The following TENM2 variants were observed in gnomAD, a reference collection of about 807,000 sequenced individuals.
TENM2 encodes the protein teneurin transmembrane protein 2.
A neutral mutation model predicts 245.2 loss-of-function variants in TENM2; 52 were observed. The observed-to-expected ratio is 0.21, with a 90% CI of 0.17 to 0.27. The LOEUF is 0.27. Among genes scored for constraint, TENM2 ranks in the 10% least tolerant of loss-of-function variants. TENM2 has a pLI of 1.00. For synonymous variants in TENM2, 1,363 were observed against 1,438.9 expected (o/e 0.95, Z 1.19); for missense variants, 3,046 against 3,666.8 (o/e 0.83, Z 4.37).
At chr5:167,224,586 T>G in the TENM2 span, among the ~76,000 whole-genome samples, 4 of 152,130 alleles carry the variant, frequency 2.6e-5, no homozygotes, top group Non-Finnish European at 5.9e-5. Flanking sequence ...TTTTGTTTAC[T>G]ATAGCCTTGT....
chr5:167,902,055 A>G (rs1775747076), intron 3 of TENM2, among the ~76,000 whole-genome samples: 1 of 151,944 alleles, frequency 6.6e-6, no homozygotes, highest in Non-Finnish European at 1.5e-5. Flanking sequence ...CATTTTGAGG[A>G]GCAAATCCCC....
In TENM2 at chr5:167,876,299, G is replaced by A. The variant is rs1313884939; in HGVS notation, c.712+104G>A. ...GAAACAAGGGCTGGGGGAAGGTGGT[G>A]TGGGGAGCATCAGGGTGAAATGCAT... On this transcript the variant is annotated intron_variant, in intron 3 of 28. Coordinates refer to ENST00000518659, the Ensembl canonical transcript of TENM2. 7.2e-6 allele frequency: 7 copies of A among 968,806 alleles called. No individual in the cohort carries two copies. In the East Asian group the frequency reaches 1.0e-4, roughly 15 times the overall value. 60.0% of individuals were successfully genotyped at this position (968,806 alleles called of 1,614,324 possible).
At chr5:167,789,908 T>C (rs1033914728) in intron 2 of TENM2, among the ~76,000 whole-genome samples, 2 of 152,218 alleles carry the variant, frequency 1.3e-5, no homozygotes, top group African/African-American at 4.8e-5. Flanking sequence ...ATGTACTTAA[T>C]AAATGTTAAC....
At chr5:167,024,774 A>G in the TENM2 span, among the ~76,000 whole-genome samples, 8 of 152,342 alleles carry the variant, frequency 5.3e-5, no homozygotes, top group South Asian at 1.7e-3. Context: ...AGACTGGACC[A>G]TGAAGGAGCA....
the TENM2 span, among the ~76,000 whole-genome samples, chr5:167,222,557 T>C: frequency 1.3e-5 from 2 of 152,282 alleles, no homozygotes; most frequent in South Asian, 2.1e-4. Flanking sequence ...TCACAGCTAA[T>C]AGTTTTCTTC....
At chr5:167,292,213 A>C (rs942009907) in intron 1 of TENM2, among the ~76,000 whole-genome samples, 2 of 152,160 alleles carry the variant, frequency 1.3e-5, no homozygotes, top group Admixed American at 1.3e-4. Flanking sequence ...ACACAGCCAA[A>C]CCATATTATA....
chr5:167,458,466 G>A (rs983278744), intron 2 of TENM2, among the ~76,000 whole-genome samples: 3 of 115,098 alleles, frequency 2.6e-5, no homozygotes, highest in Non-Finnish European at 5.0e-5. Flanking sequence ...CAGCCTAGGC[G>A]ACAAAGCAAG....
chr5:167,973,679 A>G lies in TENM2; in HGVS notation c.948-19265A>G, dbSNP rs576398171. On this transcript the variant is annotated intron_variant, in intron 4 of 28. Transcript: ENST00000518659. ...GTGGAACAGTGAGAGCTGCCCCAGC[A>G]AAAGGGCATTCCAGGCAAAGGTGAG... 2.0e-5 allele frequency among the ~76,000 whole-genome samples: 3 copies of G among 152,278 alleles called. No individual in the cohort carries two copies. In the East Asian group the frequency reaches 5.8e-4, roughly 30 times the overall value.
chr5:167,891,642 G>C (rs1774769224), intron 3 of TENM2, among the ~76,000 whole-genome samples: 1 of 152,162 alleles, frequency 6.6e-6, no homozygotes, highest in South Asian at 2.1e-4. Context: ...TGACACGGGA[G>C]TATACAGCAT....
At chr5:167,652,316 T>C (rs1436198204) in intron 2 of TENM2, among the ~76,000 whole-genome samples, 3 of 152,212 alleles carry the variant, frequency 2.0e-5, no homozygotes, top group Non-Finnish European at 4.4e-5. Context: ...CTGTACTATA[T>C]TTAGCATAAA....
At position 167,621,671 on chromosome 5, in the gene TENM2, A is replaced by G. The variant is rs371367892; in HGVS notation, c.502+246198A>G. 9.9e-5 allele frequency among the ~76,000 whole-genome samples: 15 copies of G among 152,144 alleles called. 1 individual carries two copies. Among genetic ancestry groups the G allele is most frequent in the Admixed American group, 8.5e-4 (13 of 15,254 alleles). ...TGTGAGCTCAGGAAGACACTACCTC[A>G]TTCATTATCACATCCCTGAACCCCT... On this transcript the variant is annotated intron_variant, in intron 2 of 28. Transcript: ENST00000518659.
At chr5:167,186,839 G>C in the TENM2 span, among the ~76,000 whole-genome samples, 1 of 152,218 alleles carries the variant, frequency 6.6e-6, no homozygotes, top group South Asian at 2.1e-4. Context: ...AAACCACAAA[G>C]ACAGGCCAAT....
intron 2 of TENM2, among the ~76,000 whole-genome samples, chr5:167,693,634 A>C (rs953868284): frequency 2.5e-5 from 2 of 78,960 alleles, no homozygotes; most frequent in Non-Finnish European, 2.1e-5. Flanking sequence ...ATTTCTAGGC[A>C]AAAAAAAAAA....
At chr5:167,066,834 A>T in the TENM2 span, among the ~76,000 whole-genome samples, 1 of 152,164 alleles carries the variant, frequency 6.6e-6, no homozygotes, top group South Asian at 2.1e-4. Flanking sequence ...GTTTCTGCTT[A>T]TACTAATCTT....
At chr5:167,206,654 T>G in the TENM2 span, among the ~76,000 whole-genome samples, 1 of 152,170 alleles carries the variant, frequency 6.6e-6, no homozygotes, top group Non-Finnish European at 1.5e-5. Context: ...TCCTAATATT[T>G]TCACTATAAA....
At chr5:168,065,914 G>C (rs1790462905) in intron 7 of TENM2, among the ~76,000 whole-genome samples, 1 of 145,868 alleles carries the variant, frequency 6.9e-6, no homozygotes, top group African/African-American at 2.5e-5. Context: ...GGGTGATTTT[G>C]CCCTCCCCGA....
chr5:167,509,717 G>A lies in TENM2; in HGVS notation c.502+134244G>A, dbSNP rs192588716. The stretch of plus-strand genomic sequence containing the variant: ...GCACTTACCATGTGCCAGGACCCAC[G>A]CTAAGCATTTCAGAGGCATTGCCTC... On this transcript the variant is annotated intron_variant, in intron 2 of 28. Transcript: ENST00000518659. 3.3e-4 allele frequency among the ~76,000 whole-genome samples: 50 copies of A among 152,276 alleles called. 1 individual carries two copies. Among genetic ancestry groups the A allele is most frequent in the Non-Finnish European group, 8.8e-5 (6 of 68,020 alleles).
chr5:167,702,859 T>C (rs1001482895), intron 2 of TENM2, among the ~76,000 whole-genome samples: 5 of 152,006 alleles, frequency 3.3e-5, no homozygotes, highest in Non-Finnish European at 5.9e-5. Context: ...GAGACGGTGT[T>C]TCACCATGTT....
At chr5:167,363,485 A>C (rs748037882) in intron 1 of TENM2, among the ~76,000 whole-genome samples, 1 of 152,308 alleles carries the variant, frequency 6.6e-6, no homozygotes, top group South Asian at 2.1e-4. Context: ...TAATTCCAGC[A>C]CTTTGGGAGG....
Sources: gnomAD v4.1 joint callset for allele counts (sites outside exome capture counted in the v4.1 genomes callset) on GRCh38, gnomAD v4.1.1 for gene constraint, MANE v1.5 for transcripts, NCBI Gene and HGNC (gene_info 2026-07-23, HGNC 2026-07-21) for gene names.